Variants in PLD5 observed in about 807,000 individuals in gnomAD.
PLD5 encodes phospholipase D family member 5.
PLD5 carries 36 observed loss-of-function variants against 61.1 expected under a neutral mutation model. That is an observed-to-expected ratio of 0.59 (90% CI 0.45 to 0.78). The LOEUF (loss-of-function observed/expected upper bound fraction) is 0.78. Among genes scored for constraint, PLD5 ranks in the 30% least tolerant of loss-of-function variants. PLD5 has a pLI of 0.00. For synonymous variants in PLD5, 243 were observed against 242.8 expected (o/e 1.00, Z -0.01); for missense variants, 515 against 644.4 (o/e 0.80, Z 2.17).
intron 9 of PLD5, among the ~76,000 whole-genome samples, chr1:242,095,965 CT>C (rs1056489169): frequency 6.6e-6 from 1 of 150,394 alleles, no homozygotes; most frequent in East Asian, 1.9e-4. Context: ...CTTTTTTTTT[CT>C]TTTTTTTGAG....
chr1:242,284,239 G>A (rs1674893688), intron 3 of PLD5, among the ~76,000 whole-genome samples: 1 of 137,824 alleles, frequency 7.3e-6, no homozygotes, highest in Non-Finnish European at 1.5e-5. Context: ...CCGGGTTCCA[G>A]CAATTGTTCT....
chr1:242,160,554 C>G (rs1264138017), intron 5 of PLD5, among the ~76,000 whole-genome samples: 1 of 152,046 alleles, frequency 6.6e-6, no homozygotes, highest in African/African-American at 2.4e-5. Context: ...TGTTATTGAG[C>G]CTTTCATGAT....
chr1:242,212,589 C>A (rs759378220), intron 5 of PLD5, among the ~76,000 whole-genome samples: 1 of 152,132 alleles, frequency 6.6e-6, no homozygotes, highest in African/African-American at 2.4e-5. Context: ...AAGGTTTGTG[C>A]AGCAGGCAGC....
intron 2 of PLD5, among the ~76,000 whole-genome samples, chr1:242,334,643 G>A (rs868237850): frequency 6.6e-6 from 1 of 152,048 alleles, no homozygotes; most frequent in Non-Finnish European, 1.5e-5. Flanking sequence ...TAAACAGAAA[G>A]GAATCAGAAT....
intron 5 of PLD5, among the ~76,000 whole-genome samples, chr1:242,132,384 T>G (rs530285734): frequency 6.6e-6 from 1 of 152,194 alleles, no homozygotes; most frequent in Admixed American, 6.5e-5. Context: ...TTAATATGAG[T>G]TAGCTCAAGA....
chr1:242,159,746 C>T (rs547490268), intron 5 of PLD5, among the ~76,000 whole-genome samples: 38 of 152,202 alleles, frequency 2.5e-4, no homozygotes, highest in East Asian at 1.7e-3. Context: ...AGTAGTTTAC[C>T]GTGAAGAAAG....
intron 4 of PLD5, among the ~76,000 whole-genome samples, chr1:242,251,214 T>C (rs941105039): frequency 6.6e-6 from 1 of 151,912 alleles, no homozygotes; most frequent in African/African-American, 2.4e-5. Flanking sequence ...TGCATATCGG[T>C]GATGAATGAA....
chr1:242,206,251 C>T (rs1268435352), intron 5 of PLD5, among the ~76,000 whole-genome samples: 2 of 152,182 alleles, frequency 1.3e-5, no homozygotes, highest in Middle Eastern at 3.2e-3. Context: ...TCTCAGTTGG[C>T]CCAGCACCAG....
At chr1:242,510,762 A>G (rs1055530074) in intron 1 of PLD5, among the ~76,000 whole-genome samples, 4 of 151,938 alleles carry the variant, frequency 2.6e-5, no homozygotes, top group Admixed American at 6.6e-5. Context: ...GGAGAATGGC[A>G]TGACCCCGGG....
chr1:242,492,091 T>C (rs117385616), intron 1 of PLD5, among the ~76,000 whole-genome samples: 2 of 152,218 alleles, frequency 1.3e-5, no homozygotes, highest in East Asian at 1.9e-4. Flanking sequence ...ATTTTTAGTA[T>C]AGCAAACAGT....
intron 6 of PLD5, among the ~76,000 whole-genome samples, chr1:242,118,687 G>A (rs926180657): frequency 8.5e-5 from 13 of 152,160 alleles, no homozygotes; most frequent in African/African-American, 2.9e-4. Context: ...CTGCCTTATT[G>A]CTTCCTGTGT....
chr1:242,356,597 G>A (rs944961894), intron 1 of PLD5, among the ~76,000 whole-genome samples: 27 of 152,006 alleles, frequency 1.8e-4, no homozygotes, highest in Admixed American at 7.9e-4. Flanking sequence ...TTGCCATTTT[G>A]TTGTTTTCTG....
At chr1:242,213,685 G>A (rs1271078339) in intron 5 of PLD5, among the ~76,000 whole-genome samples, 1 of 151,452 alleles carries the variant, frequency 6.6e-6, no homozygotes, top group Admixed American at 6.6e-5. Context: ...TTCTCCCAGA[G>A]AGTTAACCCC....
upstream of PLD5, among the ~76,000 whole-genome samples, chr1:242,526,558 C>G (rs950880998): frequency 6.6e-6 from 1 of 152,160 alleles, no homozygotes; most frequent in Non-Finnish European, 1.5e-5. Flanking sequence ...GCTTCAACCT[C>G]CCGAGTAACT....
chr1:242,483,068 T>A (rs939371834), intron 1 of PLD5, among the ~76,000 whole-genome samples: 6 of 151,976 alleles, frequency 3.9e-5, no homozygotes, highest in Non-Finnish European at 5.9e-5. Context: ...GCACTAAACA[T>A]GGAAAGGAAC....
At chr1:242,149,507 C>CT (rs60916257) in intron 5 of PLD5, among the ~76,000 whole-genome samples, 4,817 of 144,754 alleles carry the variant, frequency 0.033, 259 homozygotes, top group African/African-American at 0.11. Flanking sequence ...AAGTGTTTTA[C>CT]TTTTTTTTTT....
At chr1:242,526,298 A>T (rs913368841), upstream of PLD5, among the ~76,000 whole-genome samples, 1 of 152,140 alleles carries the variant, frequency 6.6e-6, no homozygotes, top group Non-Finnish European at 1.5e-5. Flanking sequence ...AGGCGGGAGG[A>T]TCGCTGAAGC....
intron 3 of PLD5, among the ~76,000 whole-genome samples, chr1:242,287,231 G>A (rs1419572606): frequency 2.0e-5 from 3 of 152,116 alleles, no homozygotes; most frequent in Non-Finnish European, 2.9e-5. Context: ...AAGCCATCCA[G>A]GATTCTCCAT....
intron 2 of PLD5, among the ~76,000 whole-genome samples, chr1:242,318,681 G>T (rs1264886970): frequency 6.6e-6 from 1 of 151,366 alleles, no homozygotes; most frequent in Admixed American, 6.6e-5. Flanking sequence ...TTAATATGGG[G>T]TCTCTCACTA....
Sources: gnomAD v4.1 joint callset for allele counts (sites outside exome capture counted in the v4.1 genomes callset) on GRCh38, gnomAD v4.1.1 for gene constraint, MANE v1.5 for transcripts, NCBI Gene and HGNC (gene_info 2026-07-23, HGNC 2026-07-21) for gene names.